Variants in OASL observed in about 807,000 individuals in gnomAD.
OASL encodes the protein 2'-5'-oligoadenylate synthase-like protein.
Under a neutral mutation model 35.3 loss-of-function variants are expected in OASL, and 28 were observed. That is an observed-to-expected ratio of 0.79 (90% CI 0.59 to 1.09). The LOEUF (loss-of-function observed/expected upper bound fraction) is 1.09, where lower values mean the gene tolerates loss of function less well. Among genes scored for constraint, OASL ranks in the 50% least tolerant of loss-of-function variants. OASL has a pLI of 0.00. For missense variants in OASL, 620 were observed against 635.2 expected (o/e 0.98, Z 0.26); for synonymous variants, 252 against 254.6 (o/e 0.99, Z 0.10).
At chr12:121,020,820 G>T in exon 6 of OASL, 1 of 1,614,204 alleles carries the variant, frequency 6.2e-7, no homozygotes, top group Non-Finnish European at 8.5e-7. Flanking sequence ...GGAGGGGATG[G>T]TCTCCAGCAG....
At chr12:121,034,193 A>G (rs1166381375) in intron 1 of OASL, among the ~76,000 whole-genome samples, 1 of 75,476 alleles carries the variant, frequency 1.3e-5, no homozygotes, top group Admixed American at 1.2e-4. Context: ...CAGAGCCCAG[A>G]CTCTTTTTTT....
At chr12:121,024,223 C>T in intron 4 of OASL, 86 bp from the exon 5 acceptor site, 1 of 1,450,628 alleles carries the variant, frequency 6.9e-7, no homozygotes, top group South Asian at 1.3e-5. Flanking sequence ...ATTATTTCGT[C>T]CAGCCACTGA....
intron 2 of OASL, among the ~76,000 whole-genome samples, chr12:121,032,203 T>C (rs1869765834): frequency 6.6e-6 from 1 of 151,406 alleles, no homozygotes; most frequent in African/African-American, 2.4e-5. Flanking sequence ...AAAAAATATA[T>C]ATATATATAA....
chr12:121,026,076 G>C (rs1255846476), intron 4 of OASL, among the ~76,000 whole-genome samples: 5 of 152,196 alleles, frequency 3.3e-5, no homozygotes, highest in Non-Finnish European at 1.5e-5. Flanking sequence ...CTGGGGTTTG[G>C]ACATGGGGAT....
chr12:121,027,237 G>A (rs1869524459), intron 4 of OASL, among the ~76,000 whole-genome samples: 1 of 152,176 alleles, frequency 6.6e-6, no homozygotes. Flanking sequence ...GAAAATGGCT[G>A]AGCTGGGATT....
At chr12:121,024,836 C>A (rs1869413160) in intron 4 of OASL, among the ~76,000 whole-genome samples, 1 of 152,120 alleles carries the variant, frequency 6.6e-6, no homozygotes, top group African/African-American at 2.4e-5. Context: ...CAACTACTGA[C>A]ATTTATTGAA....
intron 3 of OASL, among the ~76,000 whole-genome samples, chr12:121,028,792 C>T (rs1019221038): frequency 6.6e-6 from 1 of 152,140 alleles, no homozygotes; most frequent in African/African-American, 2.4e-5. Flanking sequence ...AGGCCGGGCG[C>T]AGTGCCTCCC....
At chr12:121,038,899 G>T in exon 1 of OASL, 1 of 1,614,122 alleles carries the variant, frequency 6.2e-7, no homozygotes, top group Non-Finnish European at 8.5e-7. Flanking sequence ...TCCCGGTGGG[G>T]CTGCAGCCAC....
intron 4 of OASL, among the ~76,000 whole-genome samples, chr12:121,026,377 G>A (rs1869481899): frequency 6.6e-6 from 1 of 152,232 alleles, no homozygotes; most frequent in African/African-American, 2.4e-5. Flanking sequence ...ACAGAGAGTT[G>A]TCTGGGTTGG....
intron 1 of OASL, among the ~76,000 whole-genome samples, chr12:121,037,899 T>C (rs926982834): frequency 6.6e-6 from 1 of 152,092 alleles, no homozygotes; most frequent in African/African-American, 2.4e-5. Context: ...GAGACCAGCA[T>C]GGGCAACATT....
chr12:121,024,194 G>A, intron 4 of OASL, 57 bp from the exon 5 acceptor site: 2 of 1,561,036 alleles, frequency 1.3e-6, no homozygotes, highest in Admixed American at 1.9e-5. Flanking sequence ...CTTCAAGCCA[G>A]AAAAAAACCT....
chr12:121,032,379 T>TGGG (rs1869772003), intron 2 of OASL, among the ~76,000 whole-genome samples: 1 of 152,050 alleles, frequency 6.6e-6, no homozygotes, highest in African/African-American at 2.4e-5. Flanking sequence ...AGATGAAACC[T>TGGG]CTAGGATCTG....
intron 2 of OASL, 115 bp downstream of exon 2, chr12:121,033,346 C>T (rs1366319766): frequency 4.8e-6 from 5 of 1,052,044 alleles, no homozygotes; most frequent in Non-Finnish European, 5.6e-6. Flanking sequence ...GCATAGGACA[C>T]AGATGAAATG....
exon 4 of OASL, chr12:121,027,578 C>G (rs1353637776): frequency 5.0e-6 from 8 of 1,613,998 alleles, no homozygotes; most frequent in East Asian, 2.2e-5. Flanking sequence ...TCCAGTACCT[C>G]TCTTTTTTGA....
downstream of OASL, chr12:121,019,003 C>A: frequency 6.5e-6 from 1 of 152,944 alleles, no homozygotes; most frequent in South Asian, 1.9e-4. Context: ...CTGCCAGTGT[C>A]TTGACTTGGA....
At chr12:121,036,621 T>C (rs1869967254) in intron 1 of OASL, among the ~76,000 whole-genome samples, 1 of 152,048 alleles carries the variant, frequency 6.6e-6, no homozygotes, top group Admixed American at 6.6e-5. Context: ...CCGTCTCTAC[T>C]AAAAATGCAA....
chr12:121,031,658 G>C, intron 2 of OASL, 41 bp from the exon 3 acceptor site: 1 of 1,576,528 alleles, frequency 6.3e-7, no homozygotes, highest in Non-Finnish European at 8.7e-7. Flanking sequence ...GGGGATTGAG[G>C]AAGCCAGAGG....
chr12:121,037,527 C>A (rs1870000768), intron 1 of OASL, among the ~76,000 whole-genome samples: 1 of 152,126 alleles, frequency 6.6e-6, no homozygotes, highest in African/African-American at 2.4e-5. Flanking sequence ...GTAATCCCAG[C>A]ACTTTGGGAG....
At chr12:121,022,578 G>T (rs1187535142) in intron 5 of OASL, among the ~76,000 whole-genome samples, 1 of 152,324 alleles carries the variant, frequency 6.6e-6, no homozygotes, top group Admixed American at 6.5e-5. Context: ...GCCCATGGGT[G>T]GGCCTCCTCA....
Sources: allele counts gnomAD v4.1 joint callset (sites outside exome capture counted in the v4.1 genomes callset), GRCh38; gene constraint gnomAD v4.1.1; transcripts MANE v1.5; gene names NCBI Gene and HGNC (gene_info 2026-07-23, HGNC 2026-07-21).